Variants in DIAPH3 observed in about 807,000 individuals in gnomAD.
DIAPH3 encodes diaphanous related formin 3, also known as protein diaphanous homolog 3.
In DIAPH3, 117 loss-of-function variants were observed where a neutral mutation model predicts 144.3. The observed-to-expected ratio is 0.81, with a 90% CI of 0.70 to 0.95. The LOEUF is 0.95. Ranked by LOEUF, DIAPH3 falls within the 40% of genes least tolerant of loss-of-function variation. The pLI, the probability that DIAPH3 is intolerant of heterozygous loss-of-function variation, is 0.00. For missense variants in DIAPH3, 1,421 were observed against 1,412.7 expected (o/e 1.01, Z -0.09); for synonymous variants, 519 against 488.9 (o/e 1.06, Z -0.81).
intron 25 of DIAPH3, among the ~76,000 whole-genome samples, chr13:59,794,517 A>G (rs2039488443): frequency 7.8e-6 from 1 of 128,756 alleles, no homozygotes; most frequent in South Asian, 3.1e-4. Flanking sequence ...TCTTTAGTGA[A>G]AAAAAAAAAA....
Position 59,839,407 on chromosome 13 carries a change from T to G in DIAPH3, c.2779A>C (p.Arg927=). 6.2e-7 allele frequency: 1 copy of G among 1,613,746 alleles called. No homozygotes were observed. The highest frequency in any genetic ancestry group is 8.5e-7 in the Non-Finnish European group (1 of 1,179,800). Residue 927 remains arginine (R), a synonymous_variant, in exon 23 of 28, where the codon AGG becomes CGG. Coordinates refer to ENST00000400324, the MANE Select transcript of DIAPH3 (RefSeq NM_001042517.2). ...TLEKNLRQMG[R]QLQQLEKELE... ...TCCTTCTCAAGCTGTTGAAGCTGCC[T>G]TCCCATCTGCCTCAAATTCTTTTCC...
intron 17 of DIAPH3, among the ~76,000 whole-genome samples, chr13:59,932,129 A>G (rs1189040976): frequency 6.6e-6 from 1 of 152,200 alleles, no homozygotes; most frequent in Non-Finnish European, 1.5e-5. Flanking sequence ...TCAACTTCTC[A>G]GAAAATGTAT....
rs188015307 is a variant in DIAPH3, at chr13:59,803,722, T to C, written c.3163+7066A>G. On this transcript the variant is annotated intron_variant, in intron 25 of 27. Coordinates refer to ENST00000400324, the MANE Select transcript of DIAPH3 (RefSeq NM_001042517.2). The stretch of plus-strand genomic sequence containing the variant: ...TATAGCTGCATGGAGAAGACGCAAA[T>C]TAGTGCACAAAGTGGTTGAACTCTG... Among the ~76,000 whole-genome samples, 24 of 152,214 alleles carry C rather than the reference T, an allele frequency of 1.6e-4. No individual in the cohort carries two copies. The East Asian group carries it at 4.6e-3, about 29-fold the overall frequency.
intron 5 of DIAPH3, among the ~76,000 whole-genome samples, chr13:60,023,069 T>A (rs1157890836): frequency 6.6e-6 from 1 of 152,176 alleles, no homozygotes; most frequent in East Asian, 1.9e-4. Flanking sequence ...TAAAAAAAAA[T>A]TAATTGCTGT....
At chr13:60,059,459 T>A (rs1566723985) in intron 4 of DIAPH3, among the ~76,000 whole-genome samples, 1 of 152,086 alleles carries the variant, frequency 6.6e-6, no homozygotes, top group East Asian at 1.9e-4. Flanking sequence ...CAAATCAAAT[T>A]CTTCTGAAAT....
At chr13:59,705,565 C>T (rs935883998) in intron 27 of DIAPH3, among the ~76,000 whole-genome samples, 3 of 152,138 alleles carry the variant, frequency 2.0e-5, no homozygotes, top group Admixed American at 1.3e-4. Flanking sequence ...AATGGGACTT[C>T]TTGTGTGTTT....
chr13:60,111,035 G>A (rs911984521), intron 3 of DIAPH3, among the ~76,000 whole-genome samples: 2 of 152,100 alleles, frequency 1.3e-5, no homozygotes, highest in Admixed American at 6.5e-5. Flanking sequence ...CCTCAATTAT[G>A]ATGAAATTTT....
intron 5 of DIAPH3, among the ~76,000 whole-genome samples, chr13:60,023,109 G>C (rs1012686505): frequency 6.6e-6 from 1 of 152,150 alleles, no homozygotes; most frequent in African/African-American, 2.4e-5. Context: ...AACAGACTAT[G>C]GAAAATTGGC....
chr13:59,759,443 A>C (rs2037458962), intron 27 of DIAPH3, among the ~76,000 whole-genome samples: 1 of 152,214 alleles, frequency 6.6e-6, no homozygotes, highest in Non-Finnish European at 1.5e-5. Flanking sequence ...TTTCTAGGAA[A>C]TATCACATTT....
intron 4 of DIAPH3, among the ~76,000 whole-genome samples, chr13:60,075,907 G>A (rs577490430): frequency 1.3e-5 from 2 of 152,348 alleles, no homozygotes; most frequent in South Asian, 4.1e-4. Context: ...ATGCATATGT[G>A]CATTACTCAG....
chr13:59,865,741 A>G (rs970257267), intron 21 of DIAPH3, among the ~76,000 whole-genome samples: 28 of 152,142 alleles, frequency 1.8e-4, no homozygotes, highest in African/African-American at 5.8e-4. Flanking sequence ...CCTTGCAGTT[A>G]CAGTGCAAGG....
At chr13:59,861,136 G>T in intron 22 of DIAPH3, 1 of 1,069,170 alleles carries the variant, frequency 9.4e-7, no homozygotes, top group Non-Finnish European at 1.3e-6. Context: ...TTTAGCAGTA[G>T]AAGGTAGGGC....
At chr13:59,705,203 G>A (rs181060478) in intron 27 of DIAPH3, among the ~76,000 whole-genome samples, 14 of 152,094 alleles carry the variant, frequency 9.2e-5, no homozygotes, top group African/African-American at 3.4e-4. Context: ...AAAAAAATAG[G>A]GATTAAAAAC....
In DIAPH3 at chr13:59,714,720, C is replaced by T. The variant is rs182288378; in HGVS notation, c.3320-47874G>A. ...GGATGTTCCCAAAAGTGGCAGATTG[C>T]TTATTACAAGGTGTATTTATTGTCT... On this transcript the variant is annotated intron_variant, in intron 27 of 27. Transcript: ENST00000400324. Among the ~76,000 whole-genome samples the T allele has an allele frequency of 3.0e-3, 463 of 152,162 alleles. 3 individuals carry two copies. The highest frequency in any genetic ancestry group is 9.8e-3 in the African/African-American group (407 of 41,510).
At chr13:59,908,393 A>AAAAAAAAAAAAAAAAAAAAAAAAAAAG (rs1555331342) in intron 20 of DIAPH3, among the ~76,000 whole-genome samples, 1 of 111,244 alleles carries the variant, frequency 9.0e-6, no homozygotes. Flanking sequence ...AAAAAAAAAA[A>AAAAAAAAAAAAAAAAAAAAAAAAAAAG]AGTAAGACAT....
intron 20 of DIAPH3, among the ~76,000 whole-genome samples, chr13:59,905,881 G>A (rs767847731): frequency 3.3e-5 from 5 of 152,132 alleles, no homozygotes; most frequent in African/African-American, 9.7e-5. Flanking sequence ...ATGCACCCAA[G>A]CTAAACCATT....
chr13:60,123,052 T>C (rs1358841659), intron 2 of DIAPH3, among the ~76,000 whole-genome samples: 1 of 152,198 alleles, frequency 6.6e-6, no homozygotes, highest in Non-Finnish European at 1.5e-5. Flanking sequence ...ATAATCGCTT[T>C]CTACTTGCCA....
intron 27 of DIAPH3, among the ~76,000 whole-genome samples, chr13:59,675,784 C>G (rs183943172): frequency 2.6e-5 from 4 of 152,208 alleles, no homozygotes; most frequent in Non-Finnish European, 4.4e-5. Context: ...CAGTCCAAAT[C>G]GTTGGCCCTC....
At chr13:59,727,814 C>G (rs1236056850) in intron 27 of DIAPH3, among the ~76,000 whole-genome samples, 2 of 152,110 alleles carry the variant, frequency 1.3e-5, no homozygotes, top group African/African-American at 4.8e-5. Flanking sequence ...TACAGAGGGT[C>G]TACCACCATA....
Sources: allele counts gnomAD v4.1 joint callset (sites outside exome capture counted in the v4.1 genomes callset), GRCh38; gene constraint gnomAD v4.1.1; transcripts MANE v1.5; gene names NCBI Gene and HGNC (gene_info 2026-07-23, HGNC 2026-07-21).